Variants in CACNA1B observed in about 807,000 individuals in gnomAD.
CACNA1B encodes voltage-dependent N-type calcium channel subunit alpha-1B.
Under a neutral mutation model 247.2 loss-of-function variants are expected in CACNA1B, and 70 were observed. The ratio of observed to expected loss-of-function variants is 0.28; its 90% CI spans 0.23 to 0.35. The LOEUF is 0.35. Among genes scored for constraint, CACNA1B ranks in the 10% least tolerant of loss-of-function variants. CACNA1B has a pLI of 1.00. For synonymous variants in CACNA1B, 1,231 were observed against 1,294.4 expected (o/e 0.95, Z 1.05); for missense variants, 2,367 against 3,197.4 (o/e 0.74, Z 6.26).
intron 42 of CACNA1B, 73 bp downstream of exon 42, chr9:138,115,752 C>G (rs1248956677): frequency 1.4e-6 from 2 of 1,473,174 alleles, no homozygotes; most frequent in East Asian, 4.7e-5. Context: ...GCAGACATCC[C>G]ATTTCCTCAA....
intron 10 of CACNA1B, among the ~76,000 whole-genome samples, chr9:137,961,292 T>G (rs1245648019): frequency 6.6e-6 from 1 of 152,152 alleles, no homozygotes; most frequent in Non-Finnish European, 1.5e-5. Flanking sequence ...TTGAGAATAT[T>G]TTGGGCTCAG....
At chr9:137,993,698 G>A (rs1310515918) in intron 15 of CACNA1B, among the ~76,000 whole-genome samples, 1 of 151,966 alleles carries the variant, frequency 6.6e-6, no homozygotes, top group East Asian at 1.9e-4. Flanking sequence ...AGATTGAAAT[G>A]GTAATAAAAA....
At chr9:138,036,802 T>C (rs1178973300) in intron 20 of CACNA1B, among the ~76,000 whole-genome samples, 2 of 152,202 alleles carry the variant, frequency 1.3e-5, no homozygotes, top group African/African-American at 4.8e-5. Flanking sequence ...TTACGCTTCT[T>C]CTTGCTTTCT....
chr9:138,093,478 G>A (rs1035533269), intron 36 of CACNA1B, among the ~76,000 whole-genome samples: 1 of 151,208 alleles, frequency 6.6e-6, no homozygotes, highest in African/African-American at 2.4e-5. Flanking sequence ...CAGTAGCTCA[G>A]GCCTGTAATC....
At chr9:137,953,746 G>C (rs1305781339) in intron 7 of CACNA1B, among the ~76,000 whole-genome samples, 1 of 152,124 alleles carries the variant, frequency 6.6e-6, no homozygotes, top group Non-Finnish European at 1.5e-5. Context: ...AGGCACAGTG[G>C]ACAGAAGGTT....
At chr9:137,961,531 G>T (rs1057141355) in intron 10 of CACNA1B, among the ~76,000 whole-genome samples, 8 of 152,084 alleles carry the variant, frequency 5.3e-5, no homozygotes, top group Middle Eastern at 3.2e-3. Context: ...ATTATTCTGA[G>T]GTATGTCCCT....
intron 3 of CACNA1B, among the ~76,000 whole-genome samples, chr9:137,895,677 T>G (rs930442056): frequency 3.9e-5 from 6 of 152,240 alleles, no homozygotes; most frequent in Admixed American, 6.5e-5. Flanking sequence ...ACCATAGATT[T>G]CTATATGTTT....
chr9:138,111,504 G>A (rs1436318233), intron 39 of CACNA1B, among the ~76,000 whole-genome samples: 1 of 151,542 alleles, frequency 6.6e-6, no homozygotes, highest in African/African-American at 2.4e-5. Context: ...ACGAGGGGTC[G>A]ACTCAAGGGA....
chr9:137,914,650 C>G lies in CACNA1B; in HGVS notation c.623-4C>G, dbSNP rs751021410. On this transcript the variant is annotated splice_region_variant and splice_polypyrimidine_tract_variant and intron_variant, in intron 4 of 46. Transcript: ENST00000371372. This position sits in a 1 kb window ranked among gnomAD's most constrained non-coding sequence, Gnocchi z 4.3. ...CTTCCTGACCTGCCCTGTTCTGGCC[C>G]CAGGTTTGCAGGTGGTGCTCAAGTC... 2.5e-6 allele frequency: 4 copies of G among 1,613,456 alleles called. No homozygotes were observed. In the African/African-American group the frequency reaches 5.3e-5, roughly 22 times the overall value.
chr9:137,960,417 GAGGTCAGCCTGAGAGA>G (rs1958004458), intron 10 of CACNA1B, among the ~76,000 whole-genome samples: 1 of 10,884 alleles, frequency 9.2e-5, no homozygotes, highest in Non-Finnish European at 1.9e-4. Context: ...AGGGGGAGGG[GAGGTCAGCCTGAGAGA>G]CGGAGGGGGA....
rs1182672096 is a variant in CACNA1B, at chr9:138,073,637, T to G, written c.4791+33T>G. ...AGGCGGGGGGCCTCCATGCTTTCTG[T>G]CCCCTTCCTCCGTCTTGCTTCCCCT... On this transcript the variant is annotated intron_variant, in intron 33 of 46. Coordinates refer to ENST00000371372, the MANE Select transcript of CACNA1B (RefSeq NM_000718.4). The surrounding 1 kb of genome is among the most constrained non-coding windows in gnomAD (Gnocchi z 6.4). The G allele has an allele frequency of 1.6e-6, 2 of 1,212,354 alleles. No individual in the cohort carries two copies. Among genetic ancestry groups the G allele is most frequent in the South Asian group, 2.4e-5 (2 of 82,962 alleles). The allele number at this position is 1,212,354 out of a possible 1,614,324, so 75.1% of individuals were successfully genotyped here. A position where few individuals can be genotyped will look rare whatever the true frequency, so the allele number is the denominator to read the frequency against.
At chr9:137,905,319 C>T (rs1957286124) in intron 3 of CACNA1B, among the ~76,000 whole-genome samples, 1 of 150,388 alleles carries the variant, frequency 6.6e-6, no homozygotes, top group South Asian at 2.1e-4. Context: ...TGCCACTGCA[C>T]TCCAGCCTGG....
At chr9:137,909,111 C>T (rs1442622637) in intron 3 of CACNA1B, among the ~76,000 whole-genome samples, 1 of 151,950 alleles carries the variant, frequency 6.6e-6, no homozygotes, top group Non-Finnish European at 1.5e-5. Context: ...CCACCTCAGC[C>T]TCCCGAGTAG....
intron 36 of CACNA1B, among the ~76,000 whole-genome samples, chr9:138,090,482 A>T (rs796681251): frequency 2.6e-5 from 4 of 152,156 alleles, no homozygotes; most frequent in East Asian, 1.9e-4. Context: ...ACACTTCAGG[A>T]TATTGGTCTG....
chr9:137,945,303 G>A (rs1046783329), intron 6 of CACNA1B, among the ~76,000 whole-genome samples: 16 of 152,360 alleles, frequency 1.1e-4, no homozygotes, highest in African/African-American at 3.4e-4. Flanking sequence ...CTGGAAGAGA[G>A]AAGAGGACTT....
chr9:138,004,549 CAAAA>C (rs762250306), intron 15 of CACNA1B, among the ~76,000 whole-genome samples: 6 of 62,428 alleles, frequency 9.6e-5, no homozygotes, highest in African/African-American at 1.7e-4. Flanking sequence ...GACCCTGTCT[CAAAA>C]AAAAAAAAAA....
At chr9:138,117,894 G>A in intron 42 of CACNA1B, 52 bp from the exon 43 acceptor site, 1 of 1,458,648 alleles carries the variant, frequency 6.9e-7, no homozygotes, top group South Asian at 1.5e-5. Context: ...CTATTGGTAA[G>A]GCACCTGCAG....
At chr9:137,948,506 T>C (rs1469815715) in intron 6 of CACNA1B, among the ~76,000 whole-genome samples, 1 of 152,236 alleles carries the variant, frequency 6.6e-6, no homozygotes, top group Non-Finnish European at 1.5e-5. Flanking sequence ...TTTTCGACTT[T>C]TTTTTTAGCT....
Position 137,952,834 on chromosome 9 carries a change from T to A in CACNA1B, c.1070+457T>A, listed in dbSNP as rs893638684. 2.0e-4 allele frequency among the ~76,000 whole-genome samples: 30 copies of A among 151,466 alleles called. No individual in the cohort carries two copies. Among genetic ancestry groups the A allele is most frequent in the Admixed American group, 1.8e-3 (27 of 15,214 alleles). On this transcript the variant is annotated intron_variant, in intron 7 of 46. Coordinates refer to ENST00000371372, the MANE Select transcript of CACNA1B (RefSeq NM_000718.4). This position sits in a 1 kb window ranked among gnomAD's most constrained non-coding sequence, Gnocchi z 4.8. ...GATGGAGGTGTGGTCTGGGACAGGGTTTCTGAGCAGCCTCTGTGGCCACAG... is the reference window on the plus strand; with the variant it reads ...GATGGAGGTGTGGTCTGGGACAGGGATTCTGAGCAGCCTCTGTGGCCACAG...
Sources: gnomAD v4.1 joint callset for allele counts (sites outside exome capture counted in the v4.1 genomes callset) on GRCh38, gnomAD v4.1.1 for gene constraint, Gnocchi (gnomAD v3.1) non-coding constraint, MANE v1.5 for transcripts, NCBI Gene and HGNC (gene_info 2026-07-23, HGNC 2026-07-21) for gene names.